Variants in ATP9B observed in about 807,000 individuals in gnomAD.
ATP9B encodes the protein probable phospholipid-transporting ATPase IIB.
Under a neutral mutation model 146.1 loss-of-function variants are expected in ATP9B, and 110 were observed. The observed-to-expected ratio is 0.75, with a 90% CI of 0.65 to 0.88. The LOEUF is 0.88. ATP9B is among the 40% of genes least tolerant of loss of function. The pLI, the probability that ATP9B is intolerant of heterozygous loss-of-function variation, is 0.00. For missense variants in ATP9B, 1,499 were observed against 1,496.4 expected (o/e 1.00, Z -0.03); for synonymous variants, 604 against 569.7 (o/e 1.06, Z -0.86).
intron 7 of ATP9B, among the ~76,000 whole-genome samples, chr18:79,166,726 G>A (rs1417263883): frequency 6.6e-6 from 1 of 152,082 alleles, no homozygotes; most frequent in East Asian, 1.9e-4. Context: ...GGATCTTTGG[G>A]GTGTTGCTTT....
At chr18:79,260,871 A>G (rs1349754529) in intron 12 of ATP9B, among the ~76,000 whole-genome samples, 1 of 151,826 alleles carries the variant, frequency 6.6e-6, no homozygotes, top group Non-Finnish European at 1.5e-5. Flanking sequence ...GCCTTGCTGA[A>G]TTTCAAACTT....
chr18:79,346,591 AGCACACATTCG>A (rs1172336419), intron 23 of ATP9B, among the ~76,000 whole-genome samples: 1 of 115,080 alleles, frequency 8.7e-6, no homozygotes. Context: ...GCGCACAGTC[AGCACACATTCG>A]GCACACATTT....
chr18:79,348,102 G>C, intron 24 of ATP9B, 30 bp from the exon 25 acceptor site: 1 of 1,613,408 alleles, frequency 6.2e-7, no homozygotes, highest in Non-Finnish European at 8.5e-7. Flanking sequence ...GGAACTGACA[G>C]TTGTCTTCGT....
chr18:79,233,108 G>A (rs556646522), intron 11 of ATP9B, among the ~76,000 whole-genome samples: 3 of 151,930 alleles, frequency 2.0e-5, no homozygotes, highest in South Asian at 4.2e-4. Flanking sequence ...CCTGGGCAGC[G>A]TGGTGAAACC....
At chr18:79,099,572 T>G (rs755636463) in intron 2 of ATP9B, among the ~76,000 whole-genome samples, 1 of 152,178 alleles carries the variant, frequency 6.6e-6, no homozygotes, top group Non-Finnish European at 1.5e-5. Context: ...CCATGTTTGA[T>G]TTATAACTAT....
chr18:79,151,798 A>G (rs6506731), intron 6 of ATP9B, among the ~76,000 whole-genome samples: 88,964 of 151,522 alleles, frequency 0.59, 28,219 homozygotes, highest in African/African-American at 0.85. Context: ...AGGTATACAC[A>G]TGCCATGGTG....
intron 15 of ATP9B, among the ~76,000 whole-genome samples, chr18:79,317,491 T>A (rs558102538): frequency 1.3e-5 from 2 of 152,332 alleles, no homozygotes; most frequent in African/African-American, 4.8e-5. Flanking sequence ...GGCAAAAGAT[T>A]TGAACAGCTA....
intron 7 of ATP9B, among the ~76,000 whole-genome samples, chr18:79,168,118 G>A (rs112199880): frequency 1.3e-5 from 2 of 152,174 alleles, no homozygotes; most frequent in African/African-American, 2.4e-5. Flanking sequence ...CTTCGCAGCC[G>A]CCACTCCAGA....
intron 12 of ATP9B, among the ~76,000 whole-genome samples, chr18:79,274,075 A>G (rs1201019683): frequency 6.6e-6 from 1 of 152,196 alleles, no homozygotes; most frequent in Non-Finnish European, 1.5e-5. Context: ...ACAGTTGCTA[A>G]ATTAGCAATA....
At chr18:79,140,924 T>C (rs1157279844) in intron 5 of ATP9B, among the ~76,000 whole-genome samples, 1 of 152,220 alleles carries the variant, frequency 6.6e-6, no homozygotes, top group Non-Finnish European at 1.5e-5. Context: ...TGCTATTATG[T>C]TTCTGAAAAA....
At chr18:79,107,901 G>C (rs1303702018) in intron 2 of ATP9B, among the ~76,000 whole-genome samples, 1 of 152,206 alleles carries the variant, frequency 6.6e-6, no homozygotes, top group Non-Finnish European at 1.5e-5. Context: ...TAGTCTTAGA[G>C]AAGTCACTTG....
At chr18:79,346,551 A>T (rs1457000122) in intron 23 of ATP9B, among the ~76,000 whole-genome samples, 1 of 103,342 alleles carries the variant, frequency 9.7e-6, no homozygotes, top group Admixed American at 1.0e-4. Flanking sequence ...CTCGGCACAC[A>T]CTCGGTCAGC....
intron 11 of ATP9B, among the ~76,000 whole-genome samples, chr18:79,215,951 A>G (rs958022763): frequency 6.6e-6 from 1 of 152,172 alleles, no homozygotes; most frequent in African/African-American, 2.4e-5. Context: ...CAGCCTCCCA[A>G]AGTGCTAGGA....
At chr18:79,350,020 T>C (rs1440020804) in intron 25 of ATP9B, among the ~76,000 whole-genome samples, 3 of 151,890 alleles carry the variant, frequency 2.0e-5, no homozygotes, top group Non-Finnish European at 4.4e-5. Flanking sequence ...GTACCTGCTG[T>C]GAGTTTGTCA....
intron 11 of ATP9B, among the ~76,000 whole-genome samples, chr18:79,242,708 T>C (rs1045345271): frequency 6.6e-6 from 1 of 152,260 alleles, no homozygotes; most frequent in Admixed American, 6.5e-5. Context: ...TCACTTTATC[T>C]GTCAATCTGA....
chr18:79,202,285 C>G (rs2095496220), intron 9 of ATP9B, among the ~76,000 whole-genome samples: 1 of 152,174 alleles, frequency 6.6e-6, no homozygotes, highest in Admixed American at 6.5e-5. Context: ...TGTTCAAAAT[C>G]TGTATGTATT....
chr18:79,207,081 T>G, intron 10 of ATP9B, 69 bp downstream of exon 10: 1 of 1,460,842 alleles, frequency 6.8e-7, no homozygotes, highest in South Asian at 1.2e-5. Flanking sequence ...GTCCAGGGAC[T>G]CCAAACAAGG....
At chr18:79,155,979 G>C (rs1476404875) in intron 7 of ATP9B, among the ~76,000 whole-genome samples, 1 of 151,822 alleles carries the variant, frequency 6.6e-6, no homozygotes, top group Non-Finnish European at 1.5e-5. Context: ...AGCCAGGATG[G>C]TCTCGATCTC....
intron 3 of ATP9B, among the ~76,000 whole-genome samples, chr18:79,112,648 C>T (rs1476532033): frequency 1.3e-5 from 2 of 151,886 alleles, no homozygotes; most frequent in African/African-American, 4.8e-5. Flanking sequence ...GAAGTAAATA[C>T]CCACAAGAGA....
Sources: allele counts gnomAD v4.1 joint callset (sites outside exome capture counted in the v4.1 genomes callset), GRCh38; gene constraint gnomAD v4.1.1; transcripts MANE v1.5; gene names NCBI Gene and HGNC (gene_info 2026-07-23, HGNC 2026-07-21).